HAPLN1: variants seen among roughly 807,000 people sequenced by gnomAD.
The protein encoded by HAPLN1 is Cartilage link protein.
Under a neutral mutation model 36.5 loss-of-function variants are expected in HAPLN1, and 13 were observed. The observed-to-expected ratio is 0.36, with a 90% CI of 0.23 to 0.57. The LOEUF (loss-of-function observed/expected upper bound fraction) is 0.57, where lower values mean the gene tolerates loss of function less well. Among genes scored for constraint, HAPLN1 ranks in the 20% least tolerant of loss-of-function variants. The probability of loss-of-function intolerance (pLI) is 0.83; values close to 1 mark genes in which losing one functional copy is unlikely to be tolerated. For missense variants in HAPLN1, 407 were observed against 439.7 expected, an observed-to-expected ratio of 0.93 and a Z score of 0.66; for synonymous variants, 202 against 169.8, an observed-to-expected ratio of 1.19 and a Z score of -1.48.
chr5:83,671,034 T>G (rs1216712868), intron 2 of HAPLN1, among the ~76,000 whole-genome samples: 1 of 152,070 alleles, frequency 6.6e-6, no homozygotes, highest in Admixed American at 6.6e-5. Context: ...TTAAACTTTT[T>G]TGTGTGTGTC....
chr5:83,645,733 T>G (rs188550535), intron 3 of HAPLN1, among the ~76,000 whole-genome samples: 635 of 152,268 alleles, frequency 4.2e-3, no homozygotes, highest in Middle Eastern at 0.01. Flanking sequence ...AATGTAGCCC[T>G]TAATCTTATT....
At chr5:83,659,117 T>C (rs1184083671) in intron 2 of HAPLN1, among the ~76,000 whole-genome samples, 3 of 151,906 alleles carry the variant, frequency 2.0e-5, no homozygotes, top group Non-Finnish European at 4.4e-5. Flanking sequence ...CTACTAAAAA[T>C]ACAAAAATTA....
chr5:83,695,542 A>G (rs1181599935), intron 1 of HAPLN1, among the ~76,000 whole-genome samples: 1 of 149,520 alleles, frequency 6.7e-6, no homozygotes, highest in African/African-American at 2.4e-5. Flanking sequence ...TAGTGTATCT[A>G]TTTTCCTGTA....
intron 2 of HAPLN1, among the ~76,000 whole-genome samples, chr5:83,667,700 A>G (rs1047308317): frequency 6.6e-6 from 1 of 152,214 alleles, no homozygotes; most frequent in African/African-American, 2.4e-5. Flanking sequence ...CTTTGGCTCT[A>G]TAGATGGTTT....
Position 83,641,594 on chromosome 5 carries a change from T to G in HAPLN1, c.967A>C (p.Arg323=). The G allele has an allele frequency of 6.2e-7, 1 of 1,614,190 alleles. No homozygotes were observed. Among genetic ancestry groups the G allele is most frequent in the Non-Finnish European group, 8.5e-7 (1 of 1,180,030 alleles). Residue 323 remains arginine (R), a synonymous_variant, in exon 5 of 5, where the codon AGG becomes CGG. Transcript: ENST00000274341. ...SVRYPISRPR[R]RCSPTEAAVR... ...GCAGCCTCAGTAGGACTGCAGCGCC[T>G]TCTTGGCCTAGAGATGGGGTAGCGG...
chr5:83,696,456 A>G (rs1751390423), intron 1 of HAPLN1, among the ~76,000 whole-genome samples: 1 of 152,138 alleles, frequency 6.6e-6, no homozygotes, highest in Non-Finnish European at 1.5e-5. Flanking sequence ...TGTTTTAGAA[A>G]AGGAATTTAC....
intron 2 of HAPLN1, among the ~76,000 whole-genome samples, chr5:83,654,886 G>A (rs1266407693): frequency 1.3e-5 from 2 of 152,080 alleles, no homozygotes; most frequent in Admixed American, 1.3e-4. Flanking sequence ...TTCCTTATAT[G>A]TGAATTACAG....
At chr5:83,658,546 T>C (rs1421424285) in intron 2 of HAPLN1, among the ~76,000 whole-genome samples, 1 of 152,206 alleles carries the variant, frequency 6.6e-6, no homozygotes, top group Non-Finnish European at 1.5e-5. Flanking sequence ...TTTAAACATT[T>C]GTCTCTCGTA....
At chr5:83,688,740 A>G (rs752057332) in intron 1 of HAPLN1, among the ~76,000 whole-genome samples, 50 of 149,176 alleles carry the variant, frequency 3.4e-4, no homozygotes, top group Non-Finnish European at 6.4e-4. Flanking sequence ...CTGAAGAGAG[A>G]AGAGACAATA....
At chr5:83,711,157 G>A (rs1226025212) in intron 1 of HAPLN1, among the ~76,000 whole-genome samples, 2 of 152,068 alleles carry the variant, frequency 1.3e-5, no homozygotes, top group Non-Finnish European at 2.9e-5. Context: ...AATGCATTGG[G>A]GGTACAGACC....
At chr5:83,671,850 G>A (rs1250038413) in intron 2 of HAPLN1, among the ~76,000 whole-genome samples, 3 of 152,116 alleles carry the variant, frequency 2.0e-5, no homozygotes, top group African/African-American at 7.2e-5. Context: ...AAAATGAAGT[G>A]GACTATCAAG....
In HAPLN1 at chr5:83,708,481, T is replaced by C. The variant is rs1170879073; in HGVS notation, c.-27+12308A>G. ...CAGGAAAAGAAAACCAAATACTATATGTTCTCACTTATAAGTAGGAGCTAA... is the reference window on the plus strand; with the variant it reads ...CAGGAAAAGAAAACCAAATACTATACGTTCTCACTTATAAGTAGGAGCTAA... On this transcript the variant is annotated intron_variant, in intron 1 of 4. Coordinates refer to ENST00000274341, the MANE Select transcript of HAPLN1 (RefSeq NM_001884.4). Among the ~76,000 whole-genome samples, 11 of 152,312 alleles carry C rather than the reference T, an allele frequency of 7.2e-5. No homozygotes were observed. The South Asian group carries it at 2.3e-3, about 32-fold the overall frequency.
intron 2 of HAPLN1, among the ~76,000 whole-genome samples, chr5:83,667,323 T>G (rs1280990931): frequency 6.6e-6 from 1 of 152,202 alleles, no homozygotes; most frequent in Non-Finnish European, 1.5e-5. Flanking sequence ...TATTTTCATT[T>G]TTGGTTTCAT....
At chr5:83,645,122 A>T (rs1210222785) in intron 3 of HAPLN1, among the ~76,000 whole-genome samples, 1 of 108,658 alleles carries the variant, frequency 9.2e-6, no homozygotes, top group East Asian at 2.4e-4. Flanking sequence ...AGCGGAGGGG[A>T]TGTAGTGCTC....
intron 1 of HAPLN1, among the ~76,000 whole-genome samples, chr5:83,702,655 C>T (rs1751537989): frequency 6.6e-6 from 1 of 152,192 alleles, no homozygotes; most frequent in African/African-American, 2.4e-5. Flanking sequence ...AATTTTCCAA[C>T]TAGCTGATTT....
At chr5:83,711,095 G>T (rs1333982516) in intron 1 of HAPLN1, among the ~76,000 whole-genome samples, 2 of 152,080 alleles carry the variant, frequency 1.3e-5, no homozygotes, top group African/African-American at 4.8e-5. Context: ...TGGGCTCTTC[G>T]AGGTAAAGGA....
rs1004188829 is a variant in HAPLN1 at position 83,638,616 on chromosome 5, G to A, written c.*2880C>T. On this transcript the variant is annotated 3_prime_UTR_variant, in exon 5 of 5. Transcript: ENST00000274341. ...CAGAATGGCTGCCAGCAACCAAATT[G>A]TAATCTCCTTTGAGTCTACTTCTAA... The A allele has an allele frequency of 6.6e-6, 1 of 152,008 alleles. No homozygotes were observed. The highest frequency in any genetic ancestry group is 1.5e-5 in the Non-Finnish European group (1 of 67,918). The allele number at this position is 152,008 out of a possible 1,614,324, so 9.4% of individuals were successfully genotyped here. A position where few individuals can be genotyped will look rare whatever the true frequency, so the allele number is the denominator to read the frequency against.
intron 1 of HAPLN1, among the ~76,000 whole-genome samples, chr5:83,696,841 A>G (rs886898754): frequency 6.6e-6 from 1 of 152,176 alleles, no homozygotes; most frequent in Non-Finnish European, 1.5e-5. Context: ...GAATTGCCAT[A>G]TTTTAACTGT....
chr5:83,649,008 G>C (rs185966579), intron 3 of HAPLN1, among the ~76,000 whole-genome samples: 1 of 152,066 alleles, frequency 6.6e-6, no homozygotes, highest in East Asian at 1.9e-4. Flanking sequence ...ATCTGAATTT[G>C]TTGTAAATTT....
Sources: gnomAD v4.1 joint callset for allele counts (sites outside exome capture counted in the v4.1 genomes callset) on GRCh38, gnomAD v4.1.1 for gene constraint, MANE v1.5 for transcripts, NCBI Gene and HGNC (gene_info 2026-07-23, HGNC 2026-07-21) for gene names.